Variants in TJP1 observed in about 807,000 individuals in gnomAD.
The protein encoded by TJP1 is tight junction protein ZO-1.
In TJP1, 43 loss-of-function variants were observed where a neutral mutation model predicts 194.2. The observed-to-expected ratio is 0.22, with a 90% confidence interval of 0.17 to 0.29. TJP1 has a LOEUF of 0.29. Ranked by LOEUF, TJP1 falls within the 10% of genes least tolerant of loss-of-function variation. The probability of loss-of-function intolerance (pLI) is 1.00; values close to 1 mark genes in which losing one functional copy is unlikely to be tolerated. For missense variants in TJP1, 1,971 were observed against 2,185.7 expected, an observed-to-expected ratio of 0.90 and a Z score of 1.96; for synonymous variants, 801 against 779.0, an observed-to-expected ratio of 1.03 and a Z score of -0.47.
At chr15:29,933,582 C>G (rs913466692) in intron 2 of TJP1, among the ~76,000 whole-genome samples, 4 of 152,038 alleles carry the variant, frequency 2.6e-5, no homozygotes, top group Admixed American at 2.6e-4. Flanking sequence ...CGTCTGATTA[C>G]AGGAATGCAA....
At chr15:29,804,708 A>T (rs1287477893) in intron 1 of TJP1, among the ~76,000 whole-genome samples, 1 of 152,158 alleles carries the variant, frequency 6.6e-6, no homozygotes, top group Non-Finnish European at 1.5e-5. Context: ...TTCTCATTTC[A>T]AACATGCACA....
At chr15:29,834,380 C>A (rs1196312740) in intron 2 of TJP1, among the ~76,000 whole-genome samples, 4 of 151,976 alleles carry the variant, frequency 2.6e-5, no homozygotes, top group African/African-American at 9.7e-5. Context: ...ACCACCCGCC[C>A]AGCTAATTTT....
chr15:29,758,207 T>G (rs530412967), intron 8 of TJP1, among the ~76,000 whole-genome samples: 2 of 152,244 alleles, frequency 1.3e-5, no homozygotes, highest in East Asian at 3.9e-4. Context: ...CACAGGTGGA[T>G]TTTTGACTGT....
At position 29,931,610 on chromosome 15, in the gene TJP1, G is replaced by T. The variant is rs143857873; in HGVS notation, c.306+24622C>A. Reference sequence around the variant, plus strand: ...TGATAATTATAAAATGTATAAAGAAGATCAAAGAGCCAAGTACAACCAAGG... The same window carrying T: ...TGATAATTATAAAATGTATAAAGAATATCAAAGAGCCAAGTACAACCAAGG... On this transcript the variant is annotated intron_variant, in intron 2 of 28. Transcript: ENST00000356107. Among the ~76,000 whole-genome samples the T allele has an allele frequency of 3.3e-5, 5 of 152,230 alleles. No homozygotes were observed. In the East Asian group the frequency reaches 9.7e-4, roughly 29 times the overall value.
At chr15:29,828,738 T>TC (rs2050748260) in intron 2 of TJP1, among the ~76,000 whole-genome samples, 1 of 144,956 alleles carries the variant, frequency 6.9e-6, no homozygotes, top group African/African-American at 2.5e-5. Flanking sequence ...ATTGAGTCTT[T>TC]TTTTTTTTTT....
chr15:29,757,497 ATAATG>A (rs2045719765), intron 8 of TJP1, among the ~76,000 whole-genome samples: 4 of 152,242 alleles, frequency 2.6e-5, no homozygotes, highest in Admixed American at 2.6e-4. Flanking sequence ...TTTTACTCTT[ATAATG>A]TATCTAAGTT....
intron 2 of TJP1, among the ~76,000 whole-genome samples, chr15:29,852,588 T>C (rs1289366620): frequency 6.6e-6 from 1 of 152,168 alleles, no homozygotes; most frequent in East Asian, 1.9e-4. Context: ...ACCCAGCAAT[T>C]GCACTCTTAG....
At chr15:29,821,051 C>A (rs1378245032) in intron 1 of TJP1, among the ~76,000 whole-genome samples, 2 of 152,170 alleles carry the variant, frequency 1.3e-5, no homozygotes, top group African/African-American at 4.8e-5. Context: ...AATTGATATT[C>A]TTTAAAGGGG....
intron 2 of TJP1, among the ~76,000 whole-genome samples, chr15:29,914,227 C>A (rs527758114): frequency 6.6e-6 from 1 of 152,188 alleles, no homozygotes; most frequent in Non-Finnish European, 1.5e-5. Flanking sequence ...AATATAGTTT[C>A]TTCCCTGGTG....
intron 2 of TJP1, among the ~76,000 whole-genome samples, chr15:29,875,206 G>A (rs952697527): frequency 1.3e-5 from 2 of 152,168 alleles, no homozygotes; most frequent in East Asian, 3.9e-4. Flanking sequence ...CTTCTACTCT[G>A]TCCTGTTAGG....
At chr15:29,936,519 C>T (rs187891006) in intron 2 of TJP1, among the ~76,000 whole-genome samples, 2 of 152,246 alleles carry the variant, frequency 1.3e-5, no homozygotes, top group Non-Finnish European at 2.9e-5. Context: ...CAGGGCCACC[C>T]GCCGGCTCTC....
intron 10 of TJP1, among the ~76,000 whole-genome samples, chr15:29,740,057 G>A (rs1032518591): frequency 2.6e-5 from 4 of 151,218 alleles, no homozygotes; most frequent in Admixed American, 1.3e-4. Context: ...GTGTGACCTC[G>A]GCTCACTGCA....
chr15:29,717,249 T>C (rs1207600404), intron 22 of TJP1, among the ~76,000 whole-genome samples: 5 of 152,208 alleles, frequency 3.3e-5, no homozygotes, highest in Admixed American at 3.3e-4. Flanking sequence ...GTCCAGGATC[T>C]CAATGATTCT....
At chr15:29,770,941 T>C (rs1339405520) in intron 4 of TJP1, among the ~76,000 whole-genome samples, 1 of 152,136 alleles carries the variant, frequency 6.6e-6, no homozygotes, top group Non-Finnish European at 1.5e-5. Context: ...AAGTCTACAG[T>C]AGTGTACAGT....
At chr15:29,951,498 G>C (rs1446638375) in intron 2 of TJP1, among the ~76,000 whole-genome samples, 1 of 151,860 alleles carries the variant, frequency 6.6e-6, no homozygotes, top group Admixed American at 6.6e-5. Flanking sequence ...AGAAAGAAGT[G>C]TCTTTTCAAA....
chr15:29,732,341 A>G (rs917039340), intron 15 of TJP1, 92 bp downstream of exon 15: 13 of 1,134,982 alleles, frequency 1.1e-5, no homozygotes, highest in South Asian at 3.0e-5. Flanking sequence ...ACTGACAAAA[A>G]GTCTTATTTT....
chr15:29,942,204 G>A (rs1249236787), intron 2 of TJP1, among the ~76,000 whole-genome samples: 8 of 152,116 alleles, frequency 5.3e-5, no homozygotes, highest in Admixed American at 4.6e-4. Flanking sequence ...ATAAAATTCT[G>A]CCTAAAGTCA....
chr15:29,946,989 A>G (rs992892135), intron 2 of TJP1, among the ~76,000 whole-genome samples: 23 of 152,170 alleles, frequency 1.5e-4, no homozygotes. Context: ...CAGGCACTAA[A>G]TCTTTTTGTA....
At chr15:29,722,443 T>A (rs1373870775) in intron 18 of TJP1, among the ~76,000 whole-genome samples, 1 of 152,194 alleles carries the variant, frequency 6.6e-6, no homozygotes, top group African/African-American at 2.4e-5. Flanking sequence ...AGCTTCCACA[T>A]GATGCTAAGT....
Sources: allele counts gnomAD v4.1 joint callset (sites outside exome capture counted in the v4.1 genomes callset), GRCh38; gene constraint gnomAD v4.1.1; transcripts MANE v1.5; gene names NCBI Gene and HGNC (gene_info 2026-07-23, HGNC 2026-07-21).